The following ARHGEF11 variants were observed in gnomAD, a reference collection of about 807,000 sequenced individuals.
ARHGEF11 encodes Rho guanine nucleotide exchange factor 11.
ARHGEF11 carries 55 observed loss-of-function variants against 193.7 expected under a neutral mutation model. The observed-to-expected ratio is 0.28, with a 90% CI of 0.23 to 0.36. The LOEUF is 0.36. Among genes scored for constraint, ARHGEF11 ranks in the 10% least tolerant of loss-of-function variants. The probability of loss-of-function intolerance (pLI) is 1.00; values close to 1 mark genes in which losing one functional copy is unlikely to be tolerated. For missense variants in ARHGEF11, 1,723 were observed against 2,005.6 expected (o/e 0.86, Z 2.69); for synonymous variants, 693 against 768.0 (o/e 0.90, Z 1.62).
rs748180805 is a variant in ARHGEF11, at chr1:156,947,471, G to C, written c.2342-21C>G. 5.1e-6 allele frequency: 8 copies of C among 1,574,864 alleles called. No homozygotes were observed. In the South Asian group the frequency reaches 8.3e-5, roughly 16 times the overall value. ...CAGCTCTGAGCGGTGGTTGTGACAA[G>C]GAGGGTAGAAAGCCAGGGAGAAAAC... On this transcript the variant is annotated intron_variant, in intron 25 of 40. Transcript: ENST00000368194.
rs1160427380 is a variant in ARHGEF11 at position 157,044,296 on chromosome 1, T to C, written c.32+3A>G. 4 of 1,612,972 alleles carry C rather than the reference T, an allele frequency of 2.5e-6. No individual in the cohort carries two copies. Among genetic ancestry groups the C allele is most frequent in the Non-Finnish European group, 3.4e-6 (4 of 1,179,600 alleles). On this transcript the variant is annotated splice_donor_region_variant and intron_variant, in intron 1 of 40. Transcript: ENST00000368194. Reference sequence around the variant, plus strand: ...TGAAAAATCAAATTATTAGCAAACCTACCTGTCTATACTCTGGGGTAACCT... The same window carrying C: ...TGAAAAATCAAATTATTAGCAAACCCACCTGTCTATACTCTGGGGTAACCT...
In ARHGEF11 at chr1:156,958,991, G is replaced by A. The variant is rs1014565219; in HGVS notation, c.1379+55C>T. ...CACGTCCCAGAGGGAAGGAGCCAGGGCCAAGAGGCGGAGGTGAACGAGGAG... is the reference window on the plus strand; with the variant it reads ...CACGTCCCAGAGGGAAGGAGCCAGGACCAAGAGGCGGAGGTGAACGAGGAG... On this transcript the variant is annotated intron_variant, in intron 16 of 40. Coordinates refer to ENST00000368194, the MANE Select transcript of ARHGEF11 (RefSeq NM_198236.3). The A allele has an allele frequency of 3.7e-6, 6 of 1,610,138 alleles. No individual in the cohort carries two copies. In the African/African-American group the frequency reaches 6.7e-5, roughly 18 times the overall value.
At chr1:156,980,713 A>G (rs904642680) in intron 3 of ARHGEF11, among the ~76,000 whole-genome samples, 1 of 151,942 alleles carries the variant, frequency 6.6e-6, no homozygotes, top group Non-Finnish European at 1.5e-5. Context: ...CCTAAATAAG[A>G]TGCCAGACTT....
rs556194628 is a variant in ARHGEF11 at position 157,003,671 on chromosome 1, G to A, written c.33-17498C>T. Reference sequence around the variant, plus strand: ...CAAATCCAACAGCCAGCCTCACTAAGCCAGCCTGGCTCTGAGTGTTTCCTG... The same window carrying A: ...CAAATCCAACAGCCAGCCTCACTAAACCAGCCTGGCTCTGAGTGTTTCCTG... On this transcript the variant is annotated intron_variant, in intron 1 of 40. Transcript: ENST00000368194. Among the ~76,000 whole-genome samples, 42 of 152,328 alleles carry A rather than the reference G, an allele frequency of 2.8e-4. No individual in the cohort carries two copies. In the South Asian group the frequency reaches 8.7e-3, roughly 32 times the overall value.
intron 10 of ARHGEF11, among the ~76,000 whole-genome samples, chr1:156,968,615 A>G (rs931763209): frequency 1.3e-5 from 2 of 152,218 alleles, no homozygotes; most frequent in Admixed American, 6.5e-5. Context: ...TAAAATTCCA[A>G]TTGTGATCTA....
intron 19 of ARHGEF11, among the ~76,000 whole-genome samples, chr1:156,956,215 C>T (rs1659925134): frequency 6.6e-6 from 1 of 152,116 alleles, no homozygotes; most frequent in Admixed American, 6.5e-5. Context: ...TTCCCGGGTT[C>T]AAGCAATACT....
At chr1:156,975,263 G>A (rs1020130385) in intron 7 of ARHGEF11, among the ~76,000 whole-genome samples, 2 of 152,180 alleles carry the variant, frequency 1.3e-5, no homozygotes, top group Non-Finnish European at 1.5e-5. Flanking sequence ...GGTGAGAAGT[G>A]GTAGGTCATT....
At chr1:156,956,648 G>C in intron 18 of ARHGEF11, 84 bp from the exon 19 acceptor site, 1 of 1,561,940 alleles carries the variant, frequency 6.4e-7, no homozygotes, top group African/African-American at 1.4e-5. Flanking sequence ...CCACGCAGTG[G>C]AGTGGGGAAG....
intron 1 of ARHGEF11, among the ~76,000 whole-genome samples, chr1:157,026,838 T>A (rs1369356631): frequency 6.6e-6 from 1 of 152,232 alleles, no homozygotes; most frequent in Non-Finnish European, 1.5e-5. Flanking sequence ...TGACCCACTG[T>A]CTATCAGTGT....
At chr1:157,043,979 C>A (rs1673077354) in intron 1 of ARHGEF11, among the ~76,000 whole-genome samples, 1 of 152,188 alleles carries the variant, frequency 6.6e-6, no homozygotes, top group South Asian at 2.1e-4. Flanking sequence ...GGCTTGCCCC[C>A]ACCTGAGACT....
chr1:157,026,875 T>A (rs1461592994), intron 1 of ARHGEF11, among the ~76,000 whole-genome samples: 1 of 152,194 alleles, frequency 6.6e-6, no homozygotes, highest in African/African-American at 2.4e-5. Context: ...CTAGATGTGA[T>A]AACATGTGAG....
intron 11 of ARHGEF11, chr1:156,963,892 G>T (rs1661334639): frequency 9.6e-6 from 6 of 624,066 alleles, no homozygotes; most frequent in Non-Finnish European, 1.4e-5. Context: ...TCTGGGGTGG[G>T]ACTGTCAGTC....
intron 1 of ARHGEF11, among the ~76,000 whole-genome samples, chr1:156,988,224 G>A (rs1314572743): frequency 2.0e-5 from 3 of 152,178 alleles, no homozygotes; most frequent in African/African-American, 4.8e-5. Context: ...AAGGTTGGAA[G>A]GTCCATGAAA....
chr1:156,984,484 T>C (rs772726740), intron 2 of ARHGEF11, 47 bp from the exon 3 acceptor site: 3 of 1,461,592 alleles, frequency 2.1e-6, no homozygotes, highest in Middle Eastern at 1.8e-4. Context: ...ACTGGGAGGT[T>C]AGTGTACACA....
At chr1:156,961,531 C>A in intron 14 of ARHGEF11, 146 bp downstream of exon 14, 1 of 680,502 alleles carries the variant, frequency 1.5e-6, no homozygotes, top group Non-Finnish European at 2.5e-6. Flanking sequence ...GCGCTAGGAA[C>A]AGAATCCAGG....
chr1:157,042,556 G>T (rs1029621078), intron 1 of ARHGEF11, among the ~76,000 whole-genome samples: 1 of 152,158 alleles, frequency 6.6e-6, no homozygotes, highest in African/African-American at 2.4e-5. Context: ...TGTGAAACAT[G>T]AATAATAACC....
Position 156,976,966 on chromosome 1 carries a change from C to T in ARHGEF11, c.582+17G>A. 6.2e-7 allele frequency: 1 copy of T among 1,610,464 alleles called. No homozygotes were observed. Among genetic ancestry groups the T allele is most frequent in the Non-Finnish European group, 8.5e-7 (1 of 1,176,680 alleles). Reference sequence around the variant, plus strand: ...TCACTCAGGCAATGGCCAGTCTACCCTTGGCAGTGACCTTACCTGTAATTC... The same window carrying T: ...TCACTCAGGCAATGGCCAGTCTACCTTTGGCAGTGACCTTACCTGTAATTC... On this transcript the variant is annotated intron_variant, in intron 7 of 40. Transcript: ENST00000368194.
Position 156,955,812 on chromosome 1 carries a change from G to A in ARHGEF11, c.1672-13C>T, listed in dbSNP as rs767690685. 1 of 1,608,564 alleles carries A rather than the reference G, an allele frequency of 6.2e-7. No individual in the cohort carries two copies. The highest frequency in any genetic ancestry group is 1.1e-5 in the South Asian group (1 of 90,966). On this transcript the variant is annotated splice_polypyrimidine_tract_variant and intron_variant, in intron 19 of 40. Coordinates refer to ENST00000368194, the MANE Select transcript of ARHGEF11 (RefSeq NM_198236.3). ...TGGAATTGCTGCTCTGCTGAGACAGGAGACACTGGTGTTTGCAGGAGGTCC... is the reference window on the plus strand; with the variant it reads ...TGGAATTGCTGCTCTGCTGAGACAGAAGACACTGGTGTTTGCAGGAGGTCC...
At chr1:156,993,138 T>A (rs879750152) in intron 1 of ARHGEF11, among the ~76,000 whole-genome samples, 16 of 152,172 alleles carry the variant, frequency 1.1e-4, no homozygotes, top group Admixed American at 1.0e-3. Context: ...AGGTAGTACA[T>A]CCCCATTTTC....
Sources: allele counts gnomAD v4.1 joint callset (sites outside exome capture counted in the v4.1 genomes callset), GRCh38; gene constraint gnomAD v4.1.1; transcripts MANE v1.5; gene names NCBI Gene and HGNC (gene_info 2026-07-23, HGNC 2026-07-21).